The following TAF3 variants were observed in gnomAD, a reference collection of about 807,000 sequenced individuals.
TAF3 encodes the protein TATA-box binding protein associated factor 3.
Under a neutral mutation model 80.6 loss-of-function variants are expected in TAF3, and 7 were observed. That is an observed-to-expected ratio of 0.09 (90% CI 0.05 to 0.16). The LOEUF is 0.16. TAF3 is among the 10% of genes least tolerant of loss of function. The pLI, the probability that TAF3 is intolerant of heterozygous loss-of-function variation, is 1.00. For missense variants in TAF3, 921 were observed against 1,140.2 expected (o/e 0.81, Z 2.77); for synonymous variants, 444 against 446.1 (o/e 1.00, Z 0.06).
At chr10:8,012,596 C>A (rs933322705) in intron 5 of TAF3, among the ~76,000 whole-genome samples, 1 of 152,220 alleles carries the variant, frequency 6.6e-6, no homozygotes, top group African/African-American at 2.4e-5. Flanking sequence ...GGCCTCTAGA[C>A]AGCAGGTACG....
At chr10:7,954,425 C>G (rs1374925316) in intron 2 of TAF3, among the ~76,000 whole-genome samples, 2 of 115,992 alleles carry the variant, frequency 1.7e-5, no homozygotes, top group Non-Finnish European at 3.7e-5. Context: ...AACACGAGCT[C>G]TCCATAGTGA....
chr10:7,963,768 C>T (rs970225675), intron 2 of TAF3, 152 bp from the exon 3 acceptor site: 2 of 733,024 alleles, frequency 2.7e-6, no homozygotes, highest in African/African-American at 1.8e-5. Context: ...TGTAACAAAC[C>T]TGCATGTTGT....
intron 2 of TAF3, among the ~76,000 whole-genome samples, chr10:7,927,754 T>C (rs959542333): frequency 6.6e-5 from 10 of 152,204 alleles, no homozygotes; most frequent in Non-Finnish European, 1.3e-4. Context: ...ATACAATAGG[T>C]ACCACCCGAC....
chr10:7,842,176 GTTTTTTTTTTTT>G (rs1167047923), intron 2 of TAF3, among the ~76,000 whole-genome samples: 138 of 62,178 alleles, frequency 2.2e-3, no homozygotes, highest in African/African-American at 8.3e-3. Flanking sequence ...TTTTTTTTTT[GTTTTTTTTTTTT>G]TTTGAGACAG....
At chr10:7,997,900 C>T (rs1023074352) in intron 4 of TAF3, among the ~76,000 whole-genome samples, 8 of 151,982 alleles carry the variant, frequency 5.3e-5, no homozygotes, top group Non-Finnish European at 1.5e-5. Context: ...ATTTTTACAA[C>T]GATCAATTTA....
intron 2 of TAF3, among the ~76,000 whole-genome samples, chr10:7,832,681 T>C (rs934060657): frequency 9.9e-5 from 15 of 152,100 alleles, no homozygotes; most frequent in Non-Finnish European, 1.8e-4. Context: ...TCCCCAGTAG[T>C]TGGGATTACA....
At chr10:8,003,928 C>T (rs1242153789) in intron 4 of TAF3, among the ~76,000 whole-genome samples, 3 of 151,806 alleles carry the variant, frequency 2.0e-5, no homozygotes, top group Non-Finnish European at 2.9e-5. Flanking sequence ...AGTTTTTTGT[C>T]TTGGAAAATA....
intron 2 of TAF3, among the ~76,000 whole-genome samples, chr10:7,904,869 C>G (rs1424168693): frequency 6.6e-6 from 1 of 152,126 alleles, no homozygotes; most frequent in African/African-American, 2.4e-5. Context: ...GCTGTGCTCC[C>G]TTTAGGCTGC....
chr10:7,986,528 T>A (rs1588577425), intron 4 of TAF3, among the ~76,000 whole-genome samples: 1 of 152,310 alleles, frequency 6.6e-6, no homozygotes, highest in African/African-American at 2.4e-5. Context: ...AGACTGGGTG[T>A]CCTGAAAACA....
intron 2 of TAF3, among the ~76,000 whole-genome samples, chr10:7,945,750 A>G (rs1023026975): frequency 6.6e-6 from 1 of 152,138 alleles, no homozygotes; most frequent in Non-Finnish European, 1.5e-5. Flanking sequence ...CAGCTGAAAC[A>G]TCTCTTCTCC....
rs758533922 is a variant in TAF3 at position 7,965,162 on chromosome 10, A to G, written c.1652A>G (p.Asp551Gly). 4 of 1,611,164 alleles carry G rather than the reference A, an allele frequency of 2.5e-6. No individual in the cohort carries two copies. The highest frequency in any genetic ancestry group is 2.2e-5 in the South Asian group (2 of 90,352). ...GAGAGGGAAAAAGACAAGAACAAGG[A>G]CAAAAGTAAGGAGAAGGATAAAGTG... ...DREREKDKNK[D>G]KSKEKDKVKE... The change falls in exon 3 of 7, where the codon GAC becomes GGC. Residue 551 changes from aspartate (D) to glycine (G), a missense_variant. Coordinates refer to ENST00000344293, the MANE Select transcript of TAF3 (RefSeq NM_031923.4).
chr10:7,853,930 G>A (rs902678374), intron 2 of TAF3, among the ~76,000 whole-genome samples: 11 of 152,312 alleles, frequency 7.2e-5, no homozygotes, highest in African/African-American at 2.6e-4. Context: ...ACATCTGTGA[G>A]AATCAATTGG....
intron 2 of TAF3, among the ~76,000 whole-genome samples, chr10:7,829,871 A>G (rs557882405): frequency 6.6e-5 from 10 of 152,320 alleles, no homozygotes; most frequent in South Asian, 6.2e-4. Context: ...ACTCTTCTGC[A>G]TGGGGATTTC....
chr10:7,853,589 T>C (rs145293233), intron 2 of TAF3, among the ~76,000 whole-genome samples: 7 of 152,356 alleles, frequency 4.6e-5, no homozygotes, highest in Non-Finnish European at 1.0e-4. Context: ...CTCACATCAT[T>C]GACACGTGAA....
At chr10:7,982,357 G>A (rs1425053322) in intron 4 of TAF3, among the ~76,000 whole-genome samples, 4 of 151,940 alleles carry the variant, frequency 2.6e-5, no homozygotes, top group African/African-American at 9.7e-5. Flanking sequence ...CTAGCAGTAA[G>A]GGCAAAAAAA....
chr10:7,874,188 C>T (rs984932462), intron 2 of TAF3, among the ~76,000 whole-genome samples: 5 of 152,048 alleles, frequency 3.3e-5, no homozygotes, highest in African/African-American at 1.2e-4. Context: ...ATTTTGCGGA[C>T]ATTTCAAGAA....
intron 2 of TAF3, among the ~76,000 whole-genome samples, chr10:7,893,710 A>G (rs942381918): frequency 6.6e-6 from 1 of 151,996 alleles, no homozygotes; most frequent in African/African-American, 2.4e-5. Flanking sequence ...CTATCTGTGT[A>G]TGCTCACCAA....
intron 3 of TAF3, among the ~76,000 whole-genome samples, chr10:7,972,235 CTG>C (rs1359461716): frequency 1.3e-5 from 2 of 152,132 alleles, no homozygotes; most frequent in East Asian, 1.9e-4. Context: ...GGAAATGCCT[CTG>C]TTTTTATTTT....
intron 2 of TAF3, among the ~76,000 whole-genome samples, chr10:7,935,683 TA>T (rs1465251221): frequency 6.6e-6 from 1 of 152,188 alleles, no homozygotes; most frequent in Non-Finnish European, 1.5e-5. Flanking sequence ...GGGGCTCTGA[TA>T]AGTGAGAATT....
Sources: allele counts gnomAD v4.1 joint callset (sites outside exome capture counted in the v4.1 genomes callset), GRCh38; gene constraint gnomAD v4.1.1; transcripts MANE v1.5; gene names NCBI Gene and HGNC (gene_info 2026-07-23, HGNC 2026-07-21).